Variants in GTF2I observed in about 807,000 individuals in gnomAD.
GTF2I encodes the protein general transcription factor II-I.
GTF2I carries 12 observed loss-of-function variants against 67.6 expected under a neutral mutation model. The ratio of observed to expected loss-of-function variants is 0.18; its 90% CI spans 0.11 to 0.29. The LOEUF (loss-of-function observed/expected upper bound fraction) is 0.29, where lower values mean the gene tolerates loss of function less well. Ranked by LOEUF, GTF2I falls within the 10% of genes least tolerant of loss-of-function variation. The pLI is 1.00. For missense variants in GTF2I, 271 were observed against 580.1 expected (o/e 0.47, Z 5.47); for synonymous variants, 149 against 197.0 (o/e 0.76, Z 2.04).
At chr7:74,720,604 C>T (rs1281234171) in intron 12 of GTF2I, among the ~76,000 whole-genome samples, 1 of 152,032 alleles carries the variant, frequency 6.6e-6, no homozygotes, top group African/African-American at 2.4e-5. Flanking sequence ...TAAGAACATA[C>T]AAATATTACA....
intron 1 of GTF2I, among the ~76,000 whole-genome samples, chr7:74,667,606 C>G (rs1473838405): frequency 6.6e-6 from 1 of 151,790 alleles, no homozygotes. Context: ...ACCTTCGTGT[C>G]CTAGGGTCAA....
intron 1 of GTF2I, among the ~76,000 whole-genome samples, chr7:74,675,104 C>T (rs1301059608): frequency 2.6e-5 from 4 of 152,306 alleles, no homozygotes; most frequent in Non-Finnish European, 4.4e-5. Context: ...CCACCCACCT[C>T]GGCCTCCCAA....
At chr7:74,737,212 A>AAT (rs1794878322) in intron 18 of GTF2I, among the ~76,000 whole-genome samples, 1 of 149,398 alleles carries the variant, frequency 6.7e-6, no homozygotes, top group African/African-American at 2.4e-5. Flanking sequence ...AAAAAAAAAA[A>AAT]ATAGAAAAAT....
intron 1 of GTF2I, among the ~76,000 whole-genome samples, chr7:74,664,946 G>A (rs1353488493): frequency 2.1e-5 from 3 of 142,750 alleles, no homozygotes; most frequent in East Asian, 2.0e-4. Flanking sequence ...CCTATTTTTT[G>A]TTTTTTTTTT....
intron 10 of GTF2I, among the ~76,000 whole-genome samples, chr7:74,715,828 A>T (rs1249909833): frequency 2.6e-5 from 4 of 152,142 alleles, no homozygotes; most frequent in African/African-American, 9.6e-5. Flanking sequence ...CTAAAGCTAG[A>T]TACTGAGAAC....
intron 1 of GTF2I, among the ~76,000 whole-genome samples, chr7:74,664,448 T>C (rs1358256087): frequency 6.6e-6 from 1 of 152,138 alleles, no homozygotes; most frequent in Non-Finnish European, 1.5e-5. Flanking sequence ...GTTTTTGTTT[T>C]TTTGAGAAGG....
intron 10 of GTF2I, among the ~76,000 whole-genome samples, chr7:74,716,011 G>A (rs1265785031): frequency 2.6e-5 from 4 of 152,074 alleles, no homozygotes; most frequent in African/African-American, 9.7e-5. Flanking sequence ...AGACAAAAGA[G>A]ATGAACATCT....
chr7:74,706,485 T>G (rs781950326), intron 8 of GTF2I, 52 bp downstream of exon 8: 1 of 1,359,592 alleles, frequency 7.4e-7, no homozygotes, highest in Admixed American at 1.7e-5. Context: ...AGACTTTTCC[T>G]TAGTGTAGAA....
chr7:74,749,588 G>GTAT, intron 26 of GTF2I, 137 bp downstream of exon 26: 1 of 353,378 alleles, frequency 2.8e-6, no homozygotes, highest in South Asian at 2.3e-5. Context: ...CTGCACTCTT[G>GTAT]TATATGTTTA....
At chr7:74,729,913 G>T (rs1794309474) in intron 13 of GTF2I, among the ~76,000 whole-genome samples, 1 of 147,986 alleles carries the variant, frequency 6.8e-6, no homozygotes, top group South Asian at 2.2e-4. Context: ...TGTTTCATTT[G>T]CTTGATCTTT....
At chr7:74,674,389 A>G (rs889917665) in intron 1 of GTF2I, among the ~76,000 whole-genome samples, 5 of 152,120 alleles carry the variant, frequency 3.3e-5, no homozygotes, top group Non-Finnish European at 5.9e-5. Flanking sequence ...AACTTAGAAA[A>G]TAGTTGCAAG....
At chr7:74,700,750 G>A in intron 6 of GTF2I, 116 bp downstream of exon 6, 1 of 1,018,656 alleles carries the variant, frequency 9.8e-7, no homozygotes, top group Admixed American at 1.8e-5. Flanking sequence ...GACATTTTCG[G>A]ATGGGCTGTT....
chr7:74,702,889 T>C (rs587756833), intron 6 of GTF2I, among the ~76,000 whole-genome samples: 99 of 152,034 alleles, frequency 6.5e-4, no homozygotes, highest in Non-Finnish European at 1.1e-3. Context: ...TGTGCCACCA[T>C]ACCCAGCTCA....
intron 3 of GTF2I, among the ~76,000 whole-genome samples, chr7:74,696,281 C>CTCA (rs1403330943): frequency 6.6e-6 from 1 of 152,042 alleles, no homozygotes; most frequent in African/African-American, 2.4e-5. Context: ...CGTGACTGGC[C>CTCA]TCATTGTTAA....
chr7:74,727,542 A>G (rs1353565001), intron 12 of GTF2I: 2 of 152,172 alleles, frequency 1.3e-5, no homozygotes, highest in African/African-American at 2.4e-5. Context: ...AAGAATAACA[A>G]TTATACCCAT....
chr7:74,711,422 A>G (rs1430146744), intron 9 of GTF2I, among the ~76,000 whole-genome samples: 1 of 152,214 alleles, frequency 6.6e-6, no homozygotes, highest in Non-Finnish European at 1.5e-5. Flanking sequence ...GCAAATGCAG[A>G]TAATGTCAGC....
chr7:74,706,299 A>T (rs1358051411), intron 7 of GTF2I, 91 bp from the exon 8 acceptor site: 2 of 1,042,288 alleles, frequency 1.9e-6, no homozygotes, highest in South Asian at 1.3e-5. Context: ...CAAGGGAGGG[A>T]TCTTAACACT....
At chr7:74,659,770 T>G (rs1554385559) in intron 1 of GTF2I, among the ~76,000 whole-genome samples, 1 of 152,168 alleles carries the variant, frequency 6.6e-6, no homozygotes, top group Admixed American at 6.6e-5. Flanking sequence ...CGGGAACTCC[T>G]GGACTCTGGT....
chr7:74,701,440 T>A (rs782276453), intron 6 of GTF2I, among the ~76,000 whole-genome samples: 2 of 152,172 alleles, frequency 1.3e-5, no homozygotes, highest in African/African-American at 2.4e-5. Context: ...TGAGGTATAA[T>A]TGATACACCA....
Sources: allele counts gnomAD v4.1 joint callset (sites outside exome capture counted in the v4.1 genomes callset), GRCh38; gene constraint gnomAD v4.1.1; transcripts MANE v1.5; gene names NCBI Gene and HGNC (gene_info 2026-07-23, HGNC 2026-07-21).